Variants in ZNF385D observed in about 807,000 individuals in gnomAD.
The protein encoded by ZNF385D is zinc finger protein 385D.
A neutral mutation model predicts 35.8 loss-of-function variants in ZNF385D; 15 were observed. That is an observed-to-expected ratio of 0.42 (90% CI 0.28 to 0.64). The LOEUF (loss-of-function observed/expected upper bound fraction) is 0.64, where lower values mean the gene tolerates loss of function less well. Ranked by LOEUF, ZNF385D falls within the 30% of genes least tolerant of loss-of-function variation. The pLI, the probability that ZNF385D is intolerant of heterozygous loss-of-function variation, is 0.23. For synonymous variants in ZNF385D, 212 were observed against 186.8 expected (o/e 1.13, Z -1.10); for missense variants, 474 against 494.6 (o/e 0.96, Z 0.39).
intron 3 of ZNF385D, among the ~76,000 whole-genome samples, chr3:21,989,520 G>T (rs574013683): frequency 7.1e-4 from 108 of 152,216 alleles, no homozygotes; most frequent in African/African-American, 2.5e-3. Context: ...CTCTCAAAAG[G>T]TATGTCAGTT....
chr3:21,583,446 T>G (rs1306293369), intron 2 of ZNF385D, among the ~76,000 whole-genome samples: 1 of 152,148 alleles, frequency 6.6e-6, no homozygotes, highest in African/African-American at 2.4e-5. Context: ...TAGCAACAAA[T>G]ACAAGGGTAC....
intron 3 of ZNF385D, among the ~76,000 whole-genome samples, chr3:21,781,261 T>C (rs1444715128): frequency 6.6e-6 from 1 of 152,050 alleles, no homozygotes; most frequent in Non-Finnish European, 1.5e-5. Context: ...GAAAAAATAA[T>C]ATTTTCAGAG....
chr3:21,704,927 T>C (rs1192876696), intron 1 of ZNF385D, among the ~76,000 whole-genome samples: 1 of 152,178 alleles, frequency 6.6e-6, no homozygotes, highest in Non-Finnish European at 1.5e-5. Context: ...TGGGGTGCTA[T>C]GTCATATATT....
intron 3 of ZNF385D, among the ~76,000 whole-genome samples, chr3:21,897,958 C>T (rs1247005475): frequency 2.0e-5 from 3 of 152,076 alleles, no homozygotes; most frequent in African/African-American, 4.8e-5. Context: ...CATCTAGCTT[C>T]CACCTTTATA....
chr3:21,453,469 C>T (rs1702595438), intron 4 of ZNF385D, among the ~76,000 whole-genome samples: 1 of 151,806 alleles, frequency 6.6e-6, no homozygotes, highest in African/African-American at 2.4e-5. Flanking sequence ...AATTATGTAT[C>T]TGATATAGGT....
chr3:21,853,254 A>AT (rs1290741897), intron 3 of ZNF385D, among the ~76,000 whole-genome samples: 1 of 151,852 alleles, frequency 6.6e-6, no homozygotes. Context: ...AGTGCCTATA[A>AT]TCACTTTCCA....
intron 3 of ZNF385D, among the ~76,000 whole-genome samples, chr3:22,037,675 G>T (rs1388122971): frequency 6.6e-6 from 1 of 152,052 alleles, no homozygotes; most frequent in Non-Finnish European, 1.5e-5. Context: ...TCACTCTGAT[G>T]GTAGTTTCTT....
chr3:21,700,137 C>T (rs1353384078), intron 1 of ZNF385D, among the ~76,000 whole-genome samples: 1 of 152,014 alleles, frequency 6.6e-6, no homozygotes, highest in East Asian at 1.9e-4. Flanking sequence ...CTCTCAGCCC[C>T]CTATGTTATG....
chr3:22,199,358 A>G (rs1310930886), intron 2 of ZNF385D, among the ~76,000 whole-genome samples: 1 of 152,130 alleles, frequency 6.6e-6, no homozygotes, highest in African/African-American at 2.4e-5. Flanking sequence ...GCATACTTAA[A>G]TAGGCAGCGT....
At chr3:21,870,099 C>A (rs1448030085) in intron 3 of ZNF385D, among the ~76,000 whole-genome samples, 1 of 151,826 alleles carries the variant, frequency 6.6e-6, no homozygotes, top group Non-Finnish European at 1.5e-5. Flanking sequence ...CTAATATATA[C>A]ACTAAAAATG....
At chr3:22,142,538 T>C (rs1704572154) in intron 3 of ZNF385D, among the ~76,000 whole-genome samples, 1 of 152,152 alleles carries the variant, frequency 6.6e-6, no homozygotes, top group Admixed American at 6.6e-5. Flanking sequence ...ATTAACATTT[T>C]AATTTGTTTA....
chr3:21,920,563 G>A (rs1413228937), intron 3 of ZNF385D, among the ~76,000 whole-genome samples: 1 of 149,238 alleles, frequency 6.7e-6, no homozygotes, highest in East Asian at 2.0e-4. Flanking sequence ...GAAAGTGACT[G>A]AGATCATTCT....
chr3:22,011,713 A>T (rs1205356626), intron 3 of ZNF385D, among the ~76,000 whole-genome samples: 1 of 152,124 alleles, frequency 6.6e-6, no homozygotes, highest in Non-Finnish European at 1.5e-5. Flanking sequence ...TAATATTTAC[A>T]ATACTTTGAG....
chr3:21,443,063 G>A (rs3860572), intron 4 of ZNF385D: 215,745 of 912,256 alleles, frequency 0.24, 29,894 homozygotes, highest in African/African-American at 0.58. Context: ...CCTCACTCCC[G>A]TCTGCTAGAG....
chr3:21,774,688 T>C (rs9917831), intron 3 of ZNF385D, among the ~76,000 whole-genome samples: 13,291 of 151,806 alleles, frequency 0.088, 907 homozygotes, highest in East Asian at 0.33. Flanking sequence ...TAAATGATGA[T>C]GGGCTGTGAT....
intron 3 of ZNF385D, among the ~76,000 whole-genome samples, chr3:21,819,816 C>T (rs1213344343): frequency 7.1e-6 from 1 of 140,994 alleles, no homozygotes; most frequent in African/African-American, 2.6e-5. Flanking sequence ...ATATAATATA[C>T]ATAAATATGA....
rs61668943 is a variant in ZNF385D, at chr3:22,180,914, C to CTTTTTTTTTTTTTTTTT, written c.107-11880_107-11879insAAAAAAAAAAAAAAAAA. 1.9e-4 allele frequency among the ~76,000 whole-genome samples: 21 copies of CTTTTTTTTTTTTTTTTT among 112,956 alleles called. 3 individuals carry two copies. Among genetic ancestry groups the CTTTTTTTTTTTTTTTTT allele is most frequent in the African/African-American group, 5.5e-4 (13 of 23,790 alleles). 74.1% of individuals were successfully genotyped at this position (112,956 alleles called of 152,430 possible). ...AATCCAGTAGCTATATGCTTTTGTT[C>CTTTTTTTTTTTTTTTTT]TTTTTTTTTTTTTTTTAAGAGACAG... On this transcript the variant is annotated intron_variant, in intron 2 of 5. Transcript: ENST00000494108.
At chr3:22,087,814 T>C (rs927625992) in intron 3 of ZNF385D, among the ~76,000 whole-genome samples, 1 of 152,148 alleles carries the variant, frequency 6.6e-6, no homozygotes, top group Non-Finnish European at 1.5e-5. Context: ...GTGAGAATAA[T>C]CAAAGTTTAA....
chr3:21,514,814 A>G (rs577781123), intron 3 of ZNF385D, among the ~76,000 whole-genome samples: 197 of 152,174 alleles, frequency 1.3e-3, no homozygotes, highest in African/African-American at 4.5e-3. Flanking sequence ...AACTCCGCTA[A>G]ATTTAATTTG....
Sources: allele counts gnomAD v4.1 joint callset (sites outside exome capture counted in the v4.1 genomes callset), GRCh38; gene constraint gnomAD v4.1.1; transcripts MANE v1.5; gene names NCBI Gene and HGNC (gene_info 2026-07-23, HGNC 2026-07-21).